The following SYN3 variants were observed in gnomAD, a reference collection of about 807,000 sequenced individuals.
SYN3 encodes synapsin III.
In SYN3, 35 loss-of-function variants were observed where a neutral mutation model predicts 65.8. That is an observed-to-expected ratio of 0.53 (90% CI 0.41 to 0.70). The LOEUF is 0.70. SYN3 is among the 30% of genes least tolerant of loss of function. SYN3 has a pLI of 0.00. For missense variants in SYN3, 680 were observed against 749.0 expected (o/e 0.91, Z 1.08); for synonymous variants, 270 against 292.9 (o/e 0.92, Z 0.80).
rs114882196 is a variant in SYN3, at chr22:32,921,712, T to C, written c.461+9678A>G. Among the ~76,000 whole-genome samples the C allele has an allele frequency of 9.2e-3, 1,400 of 152,156 alleles. 18 individuals carry two copies. Among genetic ancestry groups the C allele is most frequent in the African/African-American group, 0.031 (1,303 of 41,448 alleles). ...CCTCTCTAAATGGGGCTATAATAAT[T>C]ATTATTACACACTTAATTTAGTGAT... On this transcript the variant is annotated intron_variant, in intron 4 of 13. Transcript: ENST00000358763.
At chr22:32,653,112 T>C (rs2146960779) in intron 6 of SYN3, among the ~76,000 whole-genome samples, 1 of 152,334 alleles carries the variant, frequency 6.6e-6, no homozygotes, top group East Asian at 1.9e-4. Flanking sequence ...TGTCATTTCT[T>C]CCCAGAATGA....
chr22:32,633,309 C>T (rs776687977), intron 6 of SYN3, among the ~76,000 whole-genome samples: 28 of 152,208 alleles, frequency 1.8e-4, no homozygotes, highest in Non-Finnish European at 1.3e-4. Flanking sequence ...CAAACAGACT[C>T]CGAGGAACAG....
intron 2 of SYN3, among the ~76,000 whole-genome samples, chr22:32,983,281 G>C (rs779509109): frequency 6.6e-6 from 1 of 152,138 alleles, no homozygotes; most frequent in Non-Finnish European, 1.5e-5. Flanking sequence ...GCAGCCACAT[G>C]ATTTATTTCT....
chr22:32,694,516 C>G (rs1455546674), intron 6 of SYN3, among the ~76,000 whole-genome samples: 2 of 152,170 alleles, frequency 1.3e-5, no homozygotes, highest in African/African-American at 4.8e-5. Context: ...GAACTGTGTT[C>G]GTCCACTCAT....
intron 6 of SYN3, among the ~76,000 whole-genome samples, chr22:32,776,434 T>C (rs1201842130): frequency 6.6e-6 from 1 of 152,184 alleles, no homozygotes; most frequent in Non-Finnish European, 1.5e-5. Flanking sequence ...GTAGTGTTCA[T>C]TCAATATTCA....
intron 6 of SYN3, among the ~76,000 whole-genome samples, chr22:32,746,167 C>T (rs713958): frequency 0.45 from 68,549 of 151,928 alleles, 15,641 homozygotes; most frequent in Non-Finnish European, 0.5. Context: ...TGCAGGAGCC[C>T]ACATAGACTG....
At chr22:32,967,946 T>C (rs1030173407) in intron 3 of SYN3, among the ~76,000 whole-genome samples, 5 of 152,164 alleles carry the variant, frequency 3.3e-5, no homozygotes, top group African/African-American at 1.2e-4. Flanking sequence ...CCAGGGGCAG[T>C]AGCGCATGGG....
At chr22:32,523,370 G>A (rs2057920420) in intron 12 of SYN3, among the ~76,000 whole-genome samples, 1 of 152,144 alleles carries the variant, frequency 6.6e-6, no homozygotes, top group African/African-American at 2.4e-5. Context: ...AAAATTAGCT[G>A]GGTGTGGTGG....
chr22:32,545,019 T>C (rs533697930), intron 7 of SYN3, among the ~76,000 whole-genome samples: 13 of 152,354 alleles, frequency 8.5e-5, no homozygotes, highest in African/African-American at 2.9e-4. Context: ...CATACCGCTG[T>C]GTGGCCACAT....
chr22:32,720,667 C>T (rs1367676858), intron 6 of SYN3, among the ~76,000 whole-genome samples: 2 of 152,214 alleles, frequency 1.3e-5, no homozygotes, highest in Non-Finnish European at 2.9e-5. Context: ...AAACTGAGGA[C>T]CAGAGTCCAT....
intron 7 of SYN3, among the ~76,000 whole-genome samples, chr22:32,568,379 C>T (rs1382938186): frequency 1.3e-5 from 2 of 152,212 alleles, no homozygotes; most frequent in Non-Finnish European, 2.9e-5. Context: ...ATTGGGAATA[C>T]AGTCATAAAT....
intron 7 of SYN3, among the ~76,000 whole-genome samples, chr22:32,595,915 A>G (rs904437680): frequency 2.0e-5 from 3 of 152,166 alleles, no homozygotes; most frequent in African/African-American, 7.2e-5. Flanking sequence ...AGTCTTTACT[A>G]AAAATACAAA....
chr22:32,690,181 GGA>G, intron 6 of SYN3, among the ~76,000 whole-genome samples: 1 of 151,836 alleles, frequency 6.6e-6, no homozygotes, highest in Middle Eastern at 3.4e-3. Flanking sequence ...CTCAAAAAAA[GGA>G]AAAAGGCCCA....
intron 6 of SYN3, among the ~76,000 whole-genome samples, chr22:32,630,092 TC>T (rs371674126): frequency 1.3e-4 from 19 of 151,876 alleles, no homozygotes; most frequent in African/African-American, 4.6e-4. Context: ...CAAGCAATTC[TC>T]CTGCCTCAGC....
chr22:32,648,972 T>A (rs1325256711), intron 6 of SYN3, among the ~76,000 whole-genome samples: 2 of 152,212 alleles, frequency 1.3e-5, no homozygotes, highest in Non-Finnish European at 2.9e-5. Flanking sequence ...AAGGAGTGTA[T>A]GAAATTAGGA....
chr22:32,853,343 G>A (rs573459422), intron 6 of SYN3, among the ~76,000 whole-genome samples: 2 of 152,176 alleles, frequency 1.3e-5, no homozygotes, highest in Admixed American at 6.5e-5. Flanking sequence ...AGAATTTGTG[G>A]GTTTAAATGA....
At chr22:32,967,282 A>G (rs2051877462) in intron 3 of SYN3, among the ~76,000 whole-genome samples, 1 of 152,224 alleles carries the variant, frequency 6.6e-6, no homozygotes. Flanking sequence ...AGACTGGACC[A>G]AAACGGGTCC....
intron 7 of SYN3, among the ~76,000 whole-genome samples, chr22:32,596,202 C>T (rs898262804): frequency 1.3e-5 from 2 of 152,192 alleles, no homozygotes; most frequent in African/African-American, 4.8e-5. Flanking sequence ...CCTCCCCAGC[C>T]ATGCTTCCCA....
At chr22:32,765,977 C>T (rs1280003485) in intron 6 of SYN3, among the ~76,000 whole-genome samples, 2 of 152,178 alleles carry the variant, frequency 1.3e-5, no homozygotes, top group African/African-American at 4.8e-5. Flanking sequence ...TAGGCTTCCT[C>T]TTCCAGCTCT....
Sources: gnomAD v4.1 joint callset for allele counts (sites outside exome capture counted in the v4.1 genomes callset) on GRCh38, gnomAD v4.1.1 for gene constraint, MANE v1.5 for transcripts, NCBI Gene and HGNC (gene_info 2026-07-23, HGNC 2026-07-21) for gene names.